SMYD3: variants seen among roughly 807,000 people sequenced by gnomAD.
SMYD3 encodes histone-lysine N-methyltransferase SMYD3.
A neutral mutation model predicts 57.7 loss-of-function variants in SMYD3; 36 were observed. That is an observed-to-expected ratio of 0.62 (90% CI 0.48 to 0.82). The LOEUF is 0.82. Among genes scored for constraint, SMYD3 ranks in the 40% least tolerant of loss-of-function variants. The pLI is 0.00. For missense variants in SMYD3, 515 were observed against 538.8 expected (o/e 0.96, Z 0.44); for synonymous variants, 211 against 195.0 (o/e 1.08, Z -0.68).
chr1:246,346,262 G>A (rs765167926), intron 2 of SMYD3, among the ~76,000 whole-genome samples: 55 of 152,120 alleles, frequency 3.6e-4, no homozygotes, highest in South Asian at 6.2e-4. Context: ...CAGTCTGGGC[G>A]ACAGAGTGAG....
chr1:246,382,285 A>G (rs1214628641), intron 1 of SMYD3, among the ~76,000 whole-genome samples: 3 of 152,090 alleles, frequency 2.0e-5, no homozygotes. Flanking sequence ...CTCCGGGCCC[A>G]GTCCAGCCCC....
At chr1:246,280,369 G>A (rs2064417914) in intron 5 of SMYD3, among the ~76,000 whole-genome samples, 1 of 152,188 alleles carries the variant, frequency 6.6e-6, no homozygotes, top group African/African-American at 2.4e-5. Context: ...CCAGTTAGTG[G>A]AGTAAATCGG....
chr1:246,028,993 C>G (rs1330400057), intron 5 of SMYD3, among the ~76,000 whole-genome samples: 4 of 152,078 alleles, frequency 2.6e-5, no homozygotes, highest in Non-Finnish European at 5.9e-5. Flanking sequence ...ACACCCTGTT[C>G]AATAAATGGT....
chr1:245,779,141 C>G (rs551451233), intron 10 of SMYD3, among the ~76,000 whole-genome samples: 1 of 142,396 alleles, frequency 7.0e-6, no homozygotes, highest in African/African-American at 2.6e-5. Context: ...GCTTGGGTGA[C>G]AGAGTGAGAC....
At chr1:246,431,100 T>C (rs914737517) in intron 1 of SMYD3, among the ~76,000 whole-genome samples, 1 of 152,128 alleles carries the variant, frequency 6.6e-6, no homozygotes, top group Non-Finnish European at 1.5e-5. Flanking sequence ...TTAGAAAAGA[T>C]TGCTTTTGAG....
At chr1:246,193,113 C>T (rs149153311) in intron 5 of SMYD3, among the ~76,000 whole-genome samples, 2 of 152,168 alleles carry the variant, frequency 1.3e-5, no homozygotes, top group African/African-American at 4.8e-5. Context: ...AAAAGTATTC[C>T]TCATTAGAAG....
intron 1 of SMYD3, among the ~76,000 whole-genome samples, chr1:246,450,974 T>G (rs1254143219): frequency 1.3e-5 from 2 of 152,218 alleles, no homozygotes; most frequent in Non-Finnish European, 2.9e-5. Flanking sequence ...AAATGCATAT[T>G]ACCACATTTG....
intron 1 of SMYD3, among the ~76,000 whole-genome samples, chr1:246,424,310 CAACA>C (rs540480165): frequency 7.7e-4 from 116 of 151,334 alleles, no homozygotes; most frequent in African/African-American, 2.8e-3. Flanking sequence ...CCAAAAGCAA[CAACA>C]AACAAACAAG....
intron 1 of SMYD3, among the ~76,000 whole-genome samples, chr1:246,403,390 C>T (rs1442504467): frequency 1.3e-5 from 2 of 151,964 alleles, no homozygotes; most frequent in African/African-American, 2.4e-5. Flanking sequence ...CCCAAGTACT[C>T]GGGAAGTTGA....
chr1:245,989,683 T>C (rs189798758), intron 5 of SMYD3, among the ~76,000 whole-genome samples: 3 of 152,362 alleles, frequency 2.0e-5, no homozygotes, highest in African/African-American at 7.2e-5. Flanking sequence ...ATTCTCCATC[T>C]TGCACTGCTG....
At chr1:246,294,584 T>G (rs987711917) in intron 5 of SMYD3, among the ~76,000 whole-genome samples, 1 of 149,866 alleles carries the variant, frequency 6.7e-6, no homozygotes, top group Non-Finnish European at 1.5e-5. Flanking sequence ...GTGTGTGATC[T>G]GGGCAAACCA....
At chr1:245,831,698 T>G (rs1465302281) in intron 10 of SMYD3, among the ~76,000 whole-genome samples, 1 of 152,176 alleles carries the variant, frequency 6.6e-6, no homozygotes, top group Non-Finnish European at 1.5e-5. Flanking sequence ...TATTAATAGA[T>G]CCTTTGTGAG....
At chr1:246,342,550 C>T (rs2065648957) in intron 2 of SMYD3, among the ~76,000 whole-genome samples, 1 of 152,126 alleles carries the variant, frequency 6.6e-6, no homozygotes, top group Admixed American at 6.6e-5. Context: ...AGTTGACTGA[C>T]AGGTATTGAT....
intron 5 of SMYD3, among the ~76,000 whole-genome samples, chr1:245,967,226 G>A (rs2058178640): frequency 6.6e-6 from 1 of 151,952 alleles, no homozygotes; most frequent in South Asian, 2.1e-4. Context: ...TTATTAATCT[G>A]GCTTTATAAT....
At chr1:246,414,275 A>G (rs1323606790) in intron 1 of SMYD3, among the ~76,000 whole-genome samples, 3 of 152,240 alleles carry the variant, frequency 2.0e-5, no homozygotes, top group South Asian at 2.1e-4. Context: ...TGGGACAGAC[A>G]TATTAGAGGA....
chr1:246,122,621 C>T (rs896316816), intron 5 of SMYD3, among the ~76,000 whole-genome samples: 1 of 152,186 alleles, frequency 6.6e-6, no homozygotes, highest in African/African-American at 2.4e-5. Context: ...CAAAAATGCA[C>T]CAACTAATTA....
intron 5 of SMYD3, among the ~76,000 whole-genome samples, chr1:246,219,514 G>A (rs184687324): frequency 6.6e-6 from 1 of 152,194 alleles, no homozygotes; most frequent in East Asian, 1.9e-4. Flanking sequence ...ATTCATTCGT[G>A]TGACTTCATT....
chr1:245,798,011 T>C (rs1166149940), intron 10 of SMYD3, among the ~76,000 whole-genome samples: 2 of 152,160 alleles, frequency 1.3e-5, no homozygotes, highest in Non-Finnish European at 1.5e-5. Flanking sequence ...TAAAGCCTTG[T>C]TCATTTGCTC....
chr1:246,386,760 T>C (rs2066489007), intron 1 of SMYD3, among the ~76,000 whole-genome samples: 1 of 151,748 alleles, frequency 6.6e-6, no homozygotes, highest in Non-Finnish European at 1.5e-5. Flanking sequence ...AATATGACAA[T>C]GAGAGAAAGG....
Sources: gnomAD v4.1 joint callset for allele counts (sites outside exome capture counted in the v4.1 genomes callset) on GRCh38, gnomAD v4.1.1 for gene constraint, MANE v1.5 for transcripts, NCBI Gene and HGNC (gene_info 2026-07-23, HGNC 2026-07-21) for gene names.